Variants in LCN12 observed in about 807,000 individuals in gnomAD.
LCN12 encodes epididymal-specific lipocalin-12.
Under a neutral mutation model 23.7 loss-of-function variants are expected in LCN12, and 15 were observed. The observed-to-expected ratio is 0.63, with a 90% CI of 0.42 to 0.97. The LOEUF is 0.97. Among genes scored for constraint, LCN12 ranks in the 50% least tolerant of loss-of-function variants. LCN12 has a pLI of 0.00. For missense variants in LCN12, 219 were observed against 249.6 expected, an observed-to-expected ratio of 0.88 and a Z score of 0.83; for synonymous variants, 116 against 111.5, an observed-to-expected ratio of 1.04 and a Z score of -0.25.
chr9:136,950,319 C>T (rs1043700382), upstream of LCN12, among the ~76,000 whole-genome samples: 3 of 152,190 alleles, frequency 2.0e-5, no homozygotes, highest in Admixed American at 2.0e-4. Context: ...ACACACAGAC[C>T]CCCCAGGGCG....
At position 136,954,176 on chromosome 9, in the gene LCN12, C is replaced by T. The variant is rs368585812; in HGVS notation, c.471C>T (p.Pro157=). Residue 157 remains proline (P), a synonymous_variant, in exon 5 of 6, where the codon CCC becomes CCT. Transcript: ENST00000371633. ...CAGGCAGGAGCTGGTTGCTGCCTCC[C>T]GGGACGCTGGACCAGTTCATCTGCC... ...SLLGRSWLLP[P]GTLDQFICLG... 2.0e-4 allele frequency: 321 copies of T among 1,566,482 alleles called. No homozygotes were observed. The highest frequency in any genetic ancestry group is 2.5e-4 in the Non-Finnish European group (291 of 1,154,810).
Position 136,955,476 on chromosome 9 carries a change from G to T in LCN12, c.*77G>T. 1.4e-6 allele frequency: 2 copies of T among 1,459,380 alleles called. No homozygotes were observed. 90.4% of individuals were successfully genotyped at this position (1,459,380 alleles called of 1,614,324 possible). ...TCTGCCCTCCTCAGCTCTCAAACCT[G>T]AATAAATGCACCAAGCCCAGAGCCC... On this transcript the variant is annotated 3_prime_UTR_variant, in exon 6 of 6. Transcript: ENST00000371633.
upstream of LCN12, among the ~76,000 whole-genome samples, chr9:136,949,867 G>A (rs1299364839): frequency 2.0e-5 from 3 of 152,160 alleles, no homozygotes; most frequent in Admixed American, 6.5e-5. Context: ...GCCTCTCAAG[G>A]ACGCCTTGCA....
chr9:136,950,477 C>T (rs1195370485), upstream of LCN12, among the ~76,000 whole-genome samples: 1 of 152,194 alleles, frequency 6.6e-6, no homozygotes, highest in Non-Finnish European at 1.5e-5. Flanking sequence ...CCCGGTTTTC[C>T]TCCCGCAGGG....
chr9:136,952,954 G>A lies in LCN12; in HGVS notation c.177G>A (p.Ala59=), dbSNP rs760748731. ...ACAGCTTCAGGCCGGAGCACAGGGCGCTGCTGAACGCTTTCACCGCAACTT... is the reference window on the plus strand; with the variant it reads ...ACAGCTTCAGGCCGGAGCACAGGGCACTGCTGAACGCTTTCACCGCAACTT... ...AGNSFRPEHR[A]LLNAFTATFE... Residue 59 remains alanine (A), a synonymous_variant, in exon 2 of 6, where the codon GCG becomes GCA. Coordinates refer to ENST00000371633, the MANE Select transcript of LCN12 (RefSeq NM_178536.4). 1.2e-4 allele frequency: 195 copies of A among 1,613,858 alleles called. No homozygotes were observed. The highest frequency in any genetic ancestry group is 1.6e-4 in the Middle Eastern group (1 of 6,084).
chr9:136,955,489 A>C lies in LCN12; in HGVS notation c.*90A>C, dbSNP rs747835070. ...GCTCTCAAACCTGAATAAATGCACC[A>C]AGCCCAGAGCCCCAGAGTGTGACCA... On this transcript the variant is annotated 3_prime_UTR_variant, in exon 6 of 6. Coordinates refer to ENST00000371633, the MANE Select transcript of LCN12 (RefSeq NM_178536.4). The C allele has an allele frequency of 2.2e-6, 3 of 1,385,792 alleles. No individual in the cohort carries two copies. The highest frequency in any genetic ancestry group is 3.5e-5 in the Admixed American group (2 of 57,836). The allele number at this position is 1,385,792 out of a possible 1,614,324, so 85.8% of individuals were successfully genotyped here.
rs188774343 is a variant in LCN12, at chr9:136,954,430, C to T, written c.550+175C>T. 31 of 802,774 alleles carry T rather than the reference C, an allele frequency of 3.9e-5. No individual in the cohort carries two copies. In the East Asian group the frequency reaches 8.2e-4, roughly 21 times the overall value. 49.7% of individuals were successfully genotyped at this position (802,774 alleles called of 1,614,324 possible). A position where few individuals can be genotyped will look rare whatever the true frequency, so the allele number is the denominator to read the frequency against. On this transcript the variant is annotated intron_variant, in intron 5 of 5. Coordinates refer to ENST00000371633, the MANE Select transcript of LCN12 (RefSeq NM_178536.4). Reference sequence around the variant, plus strand: ...GTGCTCAACCCAGGCTCTGAGCCACCTCCTGCCGCCCCGGGTCCCCTGTCC... The same window carrying T: ...GTGCTCAACCCAGGCTCTGAGCCACTTCCTGCCGCCCCGGGTCCCCTGTCC...
chr9:136,955,456 C>G lies in LCN12; in HGVS notation c.*57C>G. ...TGCCTCACAGCTGTGCGAGCTCTGCCCTCCTCAGCTCTCAAACCTGAATAA... is the reference window on the plus strand; with the variant it reads ...TGCCTCACAGCTGTGCGAGCTCTGCGCTCCTCAGCTCTCAAACCTGAATAA... On this transcript the variant is annotated 3_prime_UTR_variant, in exon 6 of 6. Transcript: ENST00000371633. The G allele has an allele frequency of 1.3e-6, 2 of 1,539,268 alleles. No homozygotes were observed. The highest frequency in any genetic ancestry group is 2.3e-5 in the East Asian group (1 of 44,356).
At chr9:136,952,097 C>G (rs1417060321), upstream of LCN12, among the ~76,000 whole-genome samples, 1 of 140,238 alleles carries the variant, frequency 7.1e-6, no homozygotes, top group Non-Finnish European at 1.6e-5. Context: ...CCTCCTACCC[C>G]ACCTGGCTGG....
upstream of LCN12, among the ~76,000 whole-genome samples, chr9:136,951,095 C>CG (rs36051168): frequency 0.21 from 32,564 of 151,728 alleles, 3,697 homozygotes; most frequent in Non-Finnish European, 0.24. Flanking sequence ...TTGGTGACCC[C>CG]TAACATGGAG....
At chr9:136,950,568 G>A (rs1297536299), upstream of LCN12, among the ~76,000 whole-genome samples, 47 of 152,224 alleles carry the variant, frequency 3.1e-4, no homozygotes. Flanking sequence ...CCAGTGCCCT[G>A]CGATAAGACG....
chr9:136,954,138 G>C lies in LCN12; in HGVS notation c.449-16G>C, dbSNP rs764071596. On this transcript the variant is annotated splice_polypyrimidine_tract_variant and intron_variant, in intron 4 of 5. Transcript: ENST00000371633. ...TGCCAAGTGCACAGACCCATGCTGG[G>C]CTCCCTGGGCTGCAGGCAGGAGCTG... 2.0e-6 allele frequency: 3 copies of C among 1,538,454 alleles called. No homozygotes were observed. The highest frequency in any genetic ancestry group is 2.7e-5 in the African/African-American group (2 of 73,258).
At chr9:136,953,646 G>T (rs868330827) in intron 2 of LCN12, 54 bp from the exon 3 acceptor site, 51 of 1,391,116 alleles carry the variant, frequency 3.7e-5, no homozygotes, top group Non-Finnish European at 5.0e-5. Context: ...GCCCACCTCA[G>T]CATGGACCTG....
rs775088706 is a variant in LCN12 at position 136,952,422 on chromosome 9, A to G, written c.95A>G (p.Gln32Arg). 2.5e-6 allele frequency: 4 copies of G among 1,602,006 alleles called. No individual in the cohort carries two copies. In the East Asian group the frequency reaches 9.0e-5, roughly 36 times the overall value. Residue 32 changes from glutamine to arginine, a missense_variant, in exon 1 of 6, where the codon CAG (glutamine) becomes CGG (arginine). Gln to Arg is a conservative substitution (Grantham distance 43, BLOSUM62 1). Transcript: ENST00000371633. Reference protein sequence around the residue: ...PTPLPLPPPMQSFQGNQFQGE... With the variant: ...PTPLPLPPPMRSFQGNQFQGE... ...CCCCTGCCACTCCCGCCCCCGATGC[A>G]GAGCTTCCAAGGAAACCAGGTACAG...
At chr9:136,955,668 T>C (rs1851306312), downstream of LCN12, among the ~76,000 whole-genome samples, 1 of 152,218 alleles carries the variant, frequency 6.6e-6, no homozygotes, top group South Asian at 2.1e-4. Flanking sequence ...CACATGTATG[T>C]TCATGCATGA....
downstream of LCN12, among the ~76,000 whole-genome samples, chr9:136,956,257 G>A (rs117853300): frequency 4.6e-5 from 7 of 152,268 alleles, no homozygotes; most frequent in East Asian, 1.4e-3. Flanking sequence ...CCTTGCTAGA[G>A]AGTAAAGAGC....
rs1374421984 is a variant in LCN12 at position 136,953,702 on chromosome 9, G to A, written c.254G>A (p.Gly85Asp). ...CCTCCACCTGTCCCCTCCTACAGAG[G>A]CCAGCACTGTGACACATGGTCTTAT... ...RFEVWNAMTR[G>D]QHCDTWSYVL... The change falls in exon 3 of 6, where the codon GGC becomes GAC. Residue 85 changes from glycine to aspartate, a missense_variant and splice_region_variant. Coordinates refer to ENST00000371633, the MANE Select transcript of LCN12 (RefSeq NM_178536.4). 1 of 1,588,640 alleles carries A rather than the reference G, an allele frequency of 6.3e-7. No homozygotes were observed. The highest frequency in any genetic ancestry group is 1.8e-5 in the Admixed American group (1 of 56,354).
chr9:136,954,112 C>T, intron 4 of LCN12, 42 bp from the exon 5 acceptor site: 1 of 1,519,250 alleles, frequency 6.6e-7, no homozygotes, highest in Non-Finnish European at 8.9e-7. Flanking sequence ...CCCCAACCCC[C>T]TGCCAAGTGC....
At chr9:136,954,570 C>T in intron 5 of LCN12, 1 of 432,950 alleles carries the variant, frequency 2.3e-6, no homozygotes, top group Non-Finnish European at 4.3e-6. Context: ...CCTGTCCCGG[C>T]CCACCTCCTC....
Sources: gnomAD v4.1 joint callset for allele counts (sites outside exome capture counted in the v4.1 genomes callset) on GRCh38, gnomAD v4.1.1 for gene constraint, MANE v1.5 for transcripts, NCBI Gene and HGNC (gene_info 2026-07-23, HGNC 2026-07-21) for gene names.